C1QTNF1: variants seen among roughly 807,000 people sequenced by gnomAD.
The protein encoded by C1QTNF1 is C1q and TNF related 1.
Under a neutral mutation model 27.8 loss-of-function variants are expected in C1QTNF1, and 22 were observed. The observed-to-expected ratio is 0.79, with a 90% confidence interval of 0.56 to 1.13. C1QTNF1 has a LOEUF of 1.13. Ranked by LOEUF, C1QTNF1 falls within the 50% of genes most tolerant of loss-of-function variation. C1QTNF1 has a pLI of 0.00. For synonymous variants in C1QTNF1, 166 were observed against 154.3 expected (o/e 1.08, Z -0.56); for missense variants, 373 against 380.2 (o/e 0.98, Z 0.16).
In C1QTNF1 at chr17:79,047,521, T is replaced by G; in HGVS notation, c.296-17T>G. On this transcript the variant is annotated splice_polypyrimidine_tract_variant and intron_variant, in intron 3 of 3. Coordinates refer to ENST00000579760, the MANE Select transcript of C1QTNF1 (RefSeq NM_030968.5). ...GGATTGCTCCATTAACAGCACGCGT[T>G]TTCCCATCCCTTTTAGGGGAGAAGG... The G allele has an allele frequency of 1.3e-6, 2 of 1,518,494 alleles. No individual in the cohort carries two copies. Among genetic ancestry groups the G allele is most frequent in the Non-Finnish European group, 1.8e-6 (2 of 1,135,202 alleles). 94.1% of individuals were successfully genotyped at this position (1,518,494 alleles called of 1,614,324 possible). A position where few individuals can be genotyped will look rare whatever the true frequency, so the allele number is the denominator to read the frequency against.
intron 1 of C1QTNF1, among the ~76,000 whole-genome samples, chr17:79,032,929 G>A (rs1047112582): frequency 9.2e-5 from 14 of 152,012 alleles, no homozygotes; most frequent in Admixed American, 3.9e-4. Flanking sequence ...TTAGCTGGGC[G>A]TGGTGGTGGG....
rs372281896 is a variant in C1QTNF1, at chr17:79,038,270, G to A, written c.-14-5685G>A. ...CTCCCAAAGTGTTGGGATTACAGGC[G>A]TGAGCCACCGCGCCCGGCCGGGATA... is the stretch of plus-strand genomic sequence containing the variant. On this transcript the variant is annotated intron_variant, in intron 1 of 3. Transcript: ENST00000579760. 3.2e-4 allele frequency among the ~76,000 whole-genome samples: 49 copies of A among 152,330 alleles called. No individual in the cohort carries two copies. In the South Asian group the frequency reaches 9.5e-3, roughly 30 times the overall value.
chr17:79,042,178 G>A (rs1373736581), intron 1 of C1QTNF1, among the ~76,000 whole-genome samples: 2 of 152,250 alleles, frequency 1.3e-5, no homozygotes, highest in Non-Finnish European at 2.9e-5. Context: ...AGGGGTTAGA[G>A]TTGACCACAG....
intron 1 of C1QTNF1, among the ~76,000 whole-genome samples, chr17:79,039,622 C>T (rs956356570): frequency 6.6e-6 from 1 of 151,750 alleles, no homozygotes; most frequent in Non-Finnish European, 1.5e-5. Flanking sequence ...CACTTCACTC[C>T]AGCCTGGGTG....
Position 79,048,276 on chromosome 17 carries a change from A to G in C1QTNF1, c.*188A>G. 4 of 644,224 alleles carry G rather than the reference A, an allele frequency of 6.2e-6. No individual in the cohort carries two copies. The South Asian group carries it at 9.9e-5, about 16-fold the overall frequency. The allele number at this position is 644,224 out of a possible 1,614,324, so 39.9% of individuals were successfully genotyped here. The stretch of plus-strand genomic sequence containing the variant: ...AGCCTCTGGAGAGAGCTGACGGCAG[A>G]TGAAATCACCAGGGCGGGGCACCCG... On this transcript the variant is annotated 3_prime_UTR_variant, in exon 4 of 4. Coordinates refer to ENST00000579760, the MANE Select transcript of C1QTNF1 (RefSeq NM_030968.5).
chr17:79,044,420 C>A (rs2072512522), intron 2 of C1QTNF1, among the ~76,000 whole-genome samples: 1 of 152,190 alleles, frequency 6.6e-6, no homozygotes, highest in Non-Finnish European at 1.5e-5. Flanking sequence ...AAGCTCCCAA[C>A]CTGCCCTCCA....
At chr17:79,043,912 C>CT in intron 1 of C1QTNF1, 43 bp from the exon 2 acceptor site, 1 of 1,608,866 alleles carries the variant, frequency 6.2e-7, no homozygotes. Flanking sequence ...TGTGCAGCTC[C>CT]TTCCTAACTC....
upstream of C1QTNF1, among the ~76,000 whole-genome samples, chr17:79,023,706 A>ACG (rs1198106102): frequency 0.012 from 185 of 14,832 alleles, no homozygotes; most frequent in Non-Finnish European, 0.025. Flanking sequence ...GCGCGCGCGC[A>ACG]CACACACACA....
intron 1 of C1QTNF1, among the ~76,000 whole-genome samples, chr17:79,032,211 G>A (rs1163945408): frequency 6.6e-6 from 1 of 152,168 alleles, no homozygotes; most frequent in African/African-American, 2.4e-5. Flanking sequence ...ACCCAGGTCT[G>A]GGCAACTTCC....
chr17:79,026,173 T>C (rs2071953726), intron 1 of C1QTNF1, among the ~76,000 whole-genome samples: 1 of 151,932 alleles, frequency 6.6e-6, no homozygotes, highest in African/African-American at 2.4e-5. Context: ...TTTTTTTTTT[T>C]GAGACAGAGT....
intron 1 of C1QTNF1, chr17:79,041,770 CAAA>C (rs56962929): frequency 9.0e-5 from 7 of 77,802 alleles, no homozygotes; most frequent in Admixed American, 1.5e-4. Context: ...GACTCCATCT[CAAA>C]AAAAAAAAAA....
chr17:79,033,453 T>G (rs1229685754), intron 1 of C1QTNF1, among the ~76,000 whole-genome samples: 1 of 152,088 alleles, frequency 6.6e-6, no homozygotes, highest in Non-Finnish European at 1.5e-5. Flanking sequence ...TTCACGCTGA[T>G]AATCCTACCC....
chr17:79,047,864 T>C lies in C1QTNF1; in HGVS notation c.622T>C (p.Tyr208His). 6.2e-7 allele frequency: 1 copy of C among 1,614,212 alleles called. No individual in the cohort carries two copies. Among genetic ancestry groups the C allele is most frequent in the Non-Finnish European group, 8.5e-7 (1 of 1,180,044 alleles). Reference protein sequence around the residue: ...NVHTWNQKETYLHIMKNEEEV... With the variant: ...NVHTWNQKETHLHIMKNEEEV... ...GCACACCTGGAACCAGAAGGAGACC[T>C]ACCTGCACATCATGAAGAACGAGGA... Residue 208 changes from tyrosine to histidine, a missense_variant, in exon 4 of 4, where the codon TAC (tyrosine) becomes CAC (histidine). By Grantham distance (83) the Tyr-to-His change is moderately conservative. Coordinates refer to ENST00000579760, the MANE Select transcript of C1QTNF1 (RefSeq NM_030968.5).
intron 1 of C1QTNF1, chr17:79,043,692 G>T (rs1209686022): frequency 1.7e-6 from 1 of 587,276 alleles, no homozygotes; most frequent in Non-Finnish European, 3.2e-6. Context: ...TTGAGTGTGT[G>T]CATGTGTGGG....
chr17:79,039,080 C>T (rs982637524), intron 1 of C1QTNF1, among the ~76,000 whole-genome samples: 1 of 152,110 alleles, frequency 6.6e-6, no homozygotes, highest in African/African-American at 2.4e-5. Flanking sequence ...CAGCTGCATC[C>T]TGGACCCCGT....
intron 1 of C1QTNF1, among the ~76,000 whole-genome samples, chr17:79,040,521 G>T (rs959054409): frequency 6.6e-6 from 1 of 152,040 alleles, no homozygotes; most frequent in Admixed American, 6.6e-5. Context: ...CTTGAGTTGG[G>T]TGTTGAAGAC....
chr17:79,039,173 T>C (rs1568066008), intron 1 of C1QTNF1, among the ~76,000 whole-genome samples: 2 of 152,276 alleles, frequency 1.3e-5, no homozygotes, highest in East Asian at 3.8e-4. Context: ...GGTGCTTAGC[T>C]AGGGGCAATT....
At chr17:79,029,316 G>T (rs1326350980) in intron 1 of C1QTNF1, among the ~76,000 whole-genome samples, 1 of 152,208 alleles carries the variant, frequency 6.6e-6, no homozygotes, top group African/African-American at 2.4e-5. Flanking sequence ...GAAGTGTAAT[G>T]TGCTTTGCTG....
chr17:79,043,057 G>T (rs1462479796), intron 1 of C1QTNF1, among the ~76,000 whole-genome samples: 1 of 144,186 alleles, frequency 6.9e-6, no homozygotes, highest in East Asian at 2.0e-4. Flanking sequence ...TGCATGTGTG[G>T]GTTGCATGTG....
Sources: gnomAD v4.1 joint callset for allele counts (sites outside exome capture counted in the v4.1 genomes callset) on GRCh38, gnomAD v4.1.1 for gene constraint, MANE v1.5 for transcripts, NCBI Gene and HGNC (gene_info 2026-07-23, HGNC 2026-07-21) for gene names.